Variants in RBBP4 observed in about 807,000 individuals in gnomAD.
The protein encoded by RBBP4 is RB binding protein 4, chromatin remodeling factor.
A neutral mutation model predicts 57.2 loss-of-function variants in RBBP4; 3 were observed. The ratio of observed to expected loss-of-function variants is 0.05; its 90% CI spans 0.02 to 0.14. RBBP4 has a LOEUF of 0.14. Ranked by LOEUF, RBBP4 falls within the 10% of genes least tolerant of loss-of-function variation. RBBP4 has a pLI of 1.00. For missense variants in RBBP4, 107 were observed against 520.6 expected, an observed-to-expected ratio of 0.21 and a Z score of 7.73; for synonymous variants, 151 against 171.5, an observed-to-expected ratio of 0.88 and a Z score of 0.93.
chr1:32,676,566 C>A (rs957237291), intron 11 of RBBP4, among the ~76,000 whole-genome samples: 16 of 148,688 alleles, frequency 1.1e-4, no homozygotes, highest in Non-Finnish European at 1.9e-4. Flanking sequence ...GAGCCAAGAT[C>A]GCACCATTGC....
chr1:32,651,474 A>G, intron 1 of RBBP4, 152 bp downstream of exon 1: 2 of 1,365,266 alleles, frequency 1.5e-6, no homozygotes, highest in Non-Finnish European at 1.9e-6. Flanking sequence ...GGGGCGTGCT[A>G]ACGGCTCGCC....
chr1:32,681,961 T>A lies in RBBP4; in HGVS notation c.*2256T>A. 9.2e-7 allele frequency: 1 copy of A among 1,091,422 alleles called. No homozygotes were observed. Among genetic ancestry groups the A allele is most frequent in the Non-Finnish European group, 1.4e-6 (1 of 720,774 alleles). 67.6% of individuals were successfully genotyped at this position (1,091,422 alleles called of 1,614,324 possible). A position where few individuals can be genotyped will look rare whatever the true frequency, so the allele number is the denominator to read the frequency against. On this transcript the variant is annotated 3_prime_UTR_variant, in exon 12 of 12. Coordinates refer to ENST00000373493, the MANE Select transcript of RBBP4 (RefSeq NM_005610.3). ...TTGTTACAGTGTGATTTATGGATGA[T>A]CAGGGATGACTTTCCCCTAGCAAAT... is the stretch of plus-strand genomic sequence containing the variant.
Position 32,684,136 on chromosome 1 carries a change from AT to A in RBBP4, c.*4434del. The A allele has an allele frequency of 6.2e-7, 1 of 1,607,706 alleles. No homozygotes were observed. Among genetic ancestry groups the A allele is most frequent in the Non-Finnish European group, 8.5e-7 (1 of 1,176,712 alleles). On this transcript the variant is annotated 3_prime_UTR_variant, in exon 12 of 12. Coordinates refer to ENST00000373493, the MANE Select transcript of RBBP4 (RefSeq NM_005610.3). ...TTCCATGTGTTTTTGGATAAGCACA[AT>A]TTGAAAATCATTTCCCAAATCCTCT...
At chr1:32,657,603 A>G (rs777647179) in intron 3 of RBBP4, 31 bp downstream of exon 3, 1 of 1,608,186 alleles carries the variant, frequency 6.2e-7, no homozygotes, top group South Asian at 1.1e-5. Flanking sequence ...AGAAGTAAAG[A>G]TGTGTGGGTC....
rs1021242957 is a variant in RBBP4, at chr1:32,660,584, CTTAATTTTTTTTTT to C, written c.310+3015_310+3028del. Among the ~76,000 whole-genome samples, 3 of 82,082 alleles carry C rather than the reference CTTAATTTTTTTTTT, an allele frequency of 3.7e-5. No homozygotes were observed. In the Admixed American group the frequency reaches 4.6e-4, roughly 12 times the overall value. The allele number at this position is 82,082 out of a possible 152,430, so 53.8% of individuals were successfully genotyped here. ...GGCGCCCACCACCACACCCAGATAA[CTTAATTTTTTTTTT>C]TTTTAAGAGATGGCATGTCACTATG... On this transcript the variant is annotated intron_variant, in intron 3 of 11. Coordinates refer to ENST00000373493, the MANE Select transcript of RBBP4 (RefSeq NM_005610.3).
chr1:32,674,080 G>A (rs1201028821), intron 11 of RBBP4, among the ~76,000 whole-genome samples: 3 of 152,194 alleles, frequency 2.0e-5, no homozygotes, highest in African/African-American at 7.2e-5. Context: ...TGGCCTGGGC[G>A]ACAGAGCGAG....
In RBBP4 at chr1:32,684,097, AAG is replaced by A. The variant is rs34250196; in HGVS notation, c.*4399_*4400del. ...TTGGGTAGTAGCATAGCCCTTTAAA[AAG>A]AGAGAGCCATTTTCCATGTGTTTTT... On this transcript the variant is annotated 3_prime_UTR_variant, in exon 12 of 12. Coordinates refer to ENST00000373493, the MANE Select transcript of RBBP4 (RefSeq NM_005610.3). 86,690 of 1,613,356 alleles carry A rather than the reference AAG, an allele frequency of 0.054. 4,938 individuals are homozygous for A. Among genetic ancestry groups the A allele is most frequent in the African/African-American group, 0.27 (19,925 of 74,872 alleles).
rs765043683 is a variant in RBBP4 at position 32,668,412 on chromosome 1, T to C, written c.484+14T>C. On this transcript the variant is annotated intron_variant, in intron 4 of 11. Transcript: ENST00000373493. ...CTTCTAAACCAGGTATGTGCCCTTT[T>C]CTATTCAAATACAAATGAGTCACTA... is the stretch of plus-strand genomic sequence containing the variant. The C allele has an allele frequency of 6.4e-7, 1 of 1,557,462 alleles. No individual in the cohort carries two copies. Among genetic ancestry groups the C allele is most frequent in the Admixed American group, 1.7e-5 (1 of 57,618 alleles).
chr1:32,652,929 T>C (rs1345213632), intron 2 of RBBP4, among the ~76,000 whole-genome samples: 1 of 152,222 alleles, frequency 6.6e-6, no homozygotes, highest in East Asian at 1.9e-4. Context: ...GTGGCAGATA[T>C]AAACTAATAA....
In RBBP4 at chr1:32,680,839, A is replaced by G; in HGVS notation, c.*1134A>G. On this transcript the variant is annotated 3_prime_UTR_variant, in exon 12 of 12. Transcript: ENST00000373493. Reference sequence around the variant, plus strand: ...CTTCCCAGGGAAAGTGAAAGACATAAAACACTGAATCAGAGGTGGCACAGA... The same window carrying G: ...CTTCCCAGGGAAAGTGAAAGACATAGAACACTGAATCAGAGGTGGCACAGA... The G allele has an allele frequency of 2.8e-6, 1 of 361,110 alleles. No homozygotes were observed. Among genetic ancestry groups the G allele is most frequent in the Non-Finnish European group, 5.0e-6 (1 of 200,028 alleles). The allele number at this position is 361,110 out of a possible 1,614,324, so 22.4% of individuals were successfully genotyped here.
Position 32,682,359 on chromosome 1 carries a change from G to A in RBBP4, c.*2654G>A, listed in dbSNP as rs911204297. 8 of 152,916 alleles carry A rather than the reference G, an allele frequency of 5.2e-5. No homozygotes were observed. The highest frequency in any genetic ancestry group is 1.9e-4 in the African/African-American group (8 of 41,356). 9.5% of individuals were successfully genotyped at this position (152,916 alleles called of 1,614,324 possible). A position where few individuals can be genotyped will look rare whatever the true frequency, so the allele number is the denominator to read the frequency against. On this transcript the variant is annotated 3_prime_UTR_variant, in exon 12 of 12. Coordinates refer to ENST00000373493, the MANE Select transcript of RBBP4 (RefSeq NM_005610.3). ...TTGTTTGAACCCAGGAGGCAGAGTT[G>A]CAGTGAGCCAAGATCGTGCCACTAC...
chr1:32,669,886 G>A lies in RBBP4; in HGVS notation c.966+323G>A, dbSNP rs557399383. On this transcript the variant is annotated intron_variant, in intron 8 of 11. Transcript: ENST00000373493. This position sits in a 1 kb window ranked among gnomAD's most constrained non-coding sequence, Gnocchi z 4.9. Reference sequence around the variant, plus strand: ...AGCCTGGGCGACAGAACGAGAGTCCGTCTCAAAAAAAAAGAAAAAAGAAAA... The same window carrying A: ...AGCCTGGGCGACAGAACGAGAGTCCATCTCAAAAAAAAAGAAAAAAGAAAA... Among the ~76,000 whole-genome samples the A allele has an allele frequency of 3.1e-3, 170 of 54,658 alleles. No homozygotes were observed. Among genetic ancestry groups the A allele is most frequent in the African/African-American group, 7.4e-3 (153 of 20,760 alleles). 35.9% of individuals were successfully genotyped at this position (54,658 alleles called of 152,430 possible).
At chr1:32,657,320 C>G in intron 2 of RBBP4, 107 bp from the exon 3 acceptor site, 1 of 1,106,134 alleles carries the variant, frequency 9.0e-7, no homozygotes, top group East Asian at 2.5e-5. Context: ...TTTTTCCCCT[C>G]TCTTAAAACC....
chr1:32,675,791 T>A (rs1649079652), intron 11 of RBBP4, among the ~76,000 whole-genome samples: 1 of 151,418 alleles, frequency 6.6e-6, no homozygotes, highest in South Asian at 2.1e-4. Flanking sequence ...AAAAATAAAT[T>A]TAAAAAGTAT....
At position 32,682,184 on chromosome 1, in the gene RBBP4, C is replaced by G. The variant is rs931152582; in HGVS notation, c.*2479C>G. 9 of 271,510 alleles carry G rather than the reference C, an allele frequency of 3.3e-5. No individual in the cohort carries two copies. The highest frequency in any genetic ancestry group is 4.5e-5 in the African/African-American group (2 of 44,648). 16.8% of individuals were successfully genotyped at this position (271,510 alleles called of 1,614,324 possible). The stretch of plus-strand genomic sequence containing the variant: ...ATCAACACAAAGGTAGTTAGTAGAT[C>G]ATTAACCTCAATTGCAAGGTTATAA... On this transcript the variant is annotated 3_prime_UTR_variant, in exon 12 of 12. Transcript: ENST00000373493.
At chr1:32,661,120 A>G (rs58218169) in intron 3 of RBBP4, among the ~76,000 whole-genome samples, 1 of 151,984 alleles carries the variant, frequency 6.6e-6, no homozygotes, top group Non-Finnish European at 1.5e-5. Context: ...AGCCAAAAAA[A>G]TTTTTTTATT....
chr1:32,662,296 G>A (rs1464865549), intron 3 of RBBP4: 2 of 258,626 alleles, frequency 7.7e-6, no homozygotes, highest in East Asian at 1.4e-4. Context: ...CTGGGTTCAA[G>A]TGATTCTCCT....
Position 32,672,626 on chromosome 1 carries a change from T to G in RBBP4, c.1044-16T>G. 6.2e-7 allele frequency: 1 copy of G among 1,613,140 alleles called. No homozygotes were observed. The highest frequency in any genetic ancestry group is 8.5e-7 in the Non-Finnish European group (1 of 1,179,104). ...GTAAATCTGTTTTAACTTTTAAAAT[T>G]ATGCTTTTGTACTAGTAAAATTGGA... On this transcript the variant is annotated splice_polypyrimidine_tract_variant and intron_variant, in intron 9 of 11. Transcript: ENST00000373493.
intron 11 of RBBP4, among the ~76,000 whole-genome samples, 154 bp downstream of exon 11, chr1:32,673,055 C>T (rs75708186): frequency 0.013 from 1,924 of 152,286 alleles, 46 homozygotes; most frequent in African/African-American, 0.043. Flanking sequence ...TTTTCAGCTG[C>T]CTGCTCTTGA....
Sources: allele counts gnomAD v4.1 joint callset (sites outside exome capture counted in the v4.1 genomes callset), GRCh38; gene constraint gnomAD v4.1.1; non-coding constraint Gnocchi (gnomAD v3.1); transcripts MANE v1.5; gene names NCBI Gene and HGNC (gene_info 2026-07-23, HGNC 2026-07-21).